DIAPH2: variants seen among roughly 807,000 people sequenced by gnomAD.
DIAPH2 encodes the protein diaphanous related formin 2.
Under a neutral mutation model 92.7 loss-of-function variants are expected in DIAPH2, and 35 were observed. The observed-to-expected ratio is 0.38, with a 90% CI of 0.29 to 0.50. The LOEUF (loss-of-function observed/expected upper bound fraction) is 0.50. Ranked by LOEUF, DIAPH2 falls within the 20% of genes least tolerant of loss-of-function variation. The probability of loss-of-function intolerance (pLI) is 0.94; values close to 1 mark genes in which losing one functional copy is unlikely to be tolerated. For synonymous variants in DIAPH2, 301 were observed against 280.4 expected (o/e 1.07, Z -0.73); for missense variants, 701 against 819.5 (o/e 0.86, Z 1.77).
chrX:96,967,545 G>A (rs907086974), intron 17 of DIAPH2, among the ~76,000 whole-genome samples: 1 of 109,238 alleles, frequency 9.2e-6, no homozygotes, highest in African/African-American at 3.3e-5. Flanking sequence ...TCAGCTTCCC[G>A]AGTATCTGGG....
At chrX:96,759,379 C>T (rs778983286) in intron 4 of DIAPH2, among the ~76,000 whole-genome samples, 9 of 111,345 alleles carry the variant, frequency 8.1e-5, no homozygotes, top group African/African-American at 9.8e-5. Flanking sequence ...TGCAGCTCCG[C>T]CATAGCAGAG....
chrX:97,535,452 GTATT>G (rs2071088589), intron 26 of DIAPH2, among the ~76,000 whole-genome samples: 1 of 111,530 alleles, frequency 9.0e-6, no homozygotes, highest in African/African-American at 3.3e-5. Flanking sequence ...TTTTCTAATT[GTATT>G]TATTTATTTT....
intron 23 of DIAPH2, among the ~76,000 whole-genome samples, chrX:97,248,347 T>C (rs1433472458): frequency 9.0e-6 from 1 of 111,464 alleles, no homozygotes; most frequent in Non-Finnish European, 1.9e-5. Context: ...GATTAGTAGA[T>C]TATATATTTA....
chrX:97,242,969 G>T (rs2068109401), intron 22 of DIAPH2, among the ~76,000 whole-genome samples: 1 of 108,038 alleles, frequency 9.3e-6, no homozygotes, highest in East Asian at 2.9e-4. Context: ...TGTATTTTTA[G>T]TAGAGATGGG....
chrX:97,296,799 C>T (rs1197062181), intron 23 of DIAPH2, among the ~76,000 whole-genome samples: 20 of 95,456 alleles, frequency 2.1e-4, no homozygotes, highest in Admixed American at 7.2e-4. Context: ...TTTTTTGAGA[C>T]GGAGTTTTGC....
At chrX:96,996,714 A>G in intron 17 of DIAPH2, among the ~76,000 whole-genome samples, 1 of 111,993 alleles carries the variant, frequency 8.9e-6, no homozygotes, top group Non-Finnish European at 1.9e-5. Context: ...CTTAGTTTGA[A>G]TTGCTATAGT....
intron 17 of DIAPH2, among the ~76,000 whole-genome samples, chrX:97,061,531 G>A (rs1375375103): frequency 9.0e-6 from 1 of 111,604 alleles, no homozygotes; most frequent in Non-Finnish European, 1.9e-5. Flanking sequence ...TTTTTGGGCT[G>A]GACACAGTGG....
intron 23 of DIAPH2, among the ~76,000 whole-genome samples, chrX:97,333,309 C>A (rs2069018080): frequency 9.0e-6 from 1 of 111,722 alleles, no homozygotes; most frequent in Non-Finnish European, 1.9e-5. Flanking sequence ...TATACTTCAA[C>A]TGCCTATTAG....
At chrX:97,497,247 A>G (rs2070765296) in intron 26 of DIAPH2, among the ~76,000 whole-genome samples, 1 of 111,163 alleles carries the variant, frequency 9.0e-6, no homozygotes, top group Non-Finnish European at 1.9e-5. Context: ...ATAAGATATC[A>G]TTGCAGAAAA....
intron 23 of DIAPH2, among the ~76,000 whole-genome samples, chrX:97,343,265 G>T (rs778459120): frequency 9.0e-6 from 1 of 111,490 alleles, no homozygotes; most frequent in South Asian, 3.7e-4. Context: ...AAATTTGGGC[G>T]TCATCAATAT....
chrX:96,694,572 C>T (rs898078627), intron 1 of DIAPH2, among the ~76,000 whole-genome samples: 10 of 111,671 alleles, frequency 9.0e-5, no homozygotes, highest in African/African-American at 3.3e-4. Flanking sequence ...AACTCCTGAC[C>T]TCAAGTGATC....
chrX:97,498,424 T>G (rs910937681), intron 26 of DIAPH2, among the ~76,000 whole-genome samples: 8 of 111,603 alleles, frequency 7.2e-5, no homozygotes, highest in Admixed American at 3.8e-4. Flanking sequence ...GATTTTCTGC[T>G]GGAAAAATCT....
chrX:97,106,212 G>A (rs2066939719), intron 20 of DIAPH2, among the ~76,000 whole-genome samples: 1 of 111,371 alleles, frequency 9.0e-6, no homozygotes, highest in African/African-American at 3.3e-5. Flanking sequence ...TGCATTTGGA[G>A]TATTAAGTGT....
intron 23 of DIAPH2, among the ~76,000 whole-genome samples, chrX:97,263,969 T>C (rs1417769266): frequency 9.3e-6 from 1 of 107,926 alleles, no homozygotes; most frequent in East Asian, 2.9e-4. Context: ...TTACCCCAGC[T>C]GGAGTGCAAT....
intron 22 of DIAPH2, among the ~76,000 whole-genome samples, chrX:97,193,218 T>G (rs952383669): frequency 4.6e-5 from 5 of 109,586 alleles, no homozygotes; most frequent in Non-Finnish European, 3.8e-5. Flanking sequence ...TTCACCATGT[T>G]GGCCAGGCTG....
intron 4 of DIAPH2, among the ~76,000 whole-genome samples, chrX:96,858,909 C>A (rs751736936): frequency 1.1e-4 from 12 of 111,586 alleles, no homozygotes; most frequent in Non-Finnish European, 1.9e-4. Flanking sequence ...TTGATTGATA[C>A]AACCAAGAAA....
intron 4 of DIAPH2, among the ~76,000 whole-genome samples, chrX:96,851,474 T>C (rs1010341336): frequency 4.5e-5 from 5 of 111,884 alleles, no homozygotes; most frequent in African/African-American, 1.6e-4. Flanking sequence ...CCACCCCCCC[T>C]TGCCAAATCC....
intron 23 of DIAPH2, among the ~76,000 whole-genome samples, chrX:97,342,698 G>T (rs757309111): frequency 8.9e-6 from 1 of 111,850 alleles, no homozygotes; most frequent in South Asian, 3.8e-4. Flanking sequence ...AGTAGGGAAA[G>T]GTAGGCAATA....
At chrX:96,778,016 A>G (rs1431584485) in intron 4 of DIAPH2, among the ~76,000 whole-genome samples, 1 of 97,969 alleles carries the variant, frequency 1.0e-5, no homozygotes, top group Non-Finnish European at 2.1e-5. Flanking sequence ...ATATCTCCTA[A>G]TGCTATCCCT....
Sources: allele counts gnomAD v4.1 joint callset (sites outside exome capture counted in the v4.1 genomes callset), GRCh38; gene constraint gnomAD v4.1.1; transcripts MANE v1.5; gene names NCBI Gene and HGNC (gene_info 2026-07-23, HGNC 2026-07-21).